MYO5A: variants seen among roughly 807,000 people sequenced by gnomAD.
MYO5A encodes unconventional myosin-Va.
MYO5A carries 98 observed loss-of-function variants against 249.7 expected under a neutral mutation model. The ratio of observed to expected loss-of-function variants is 0.39; its 90% CI spans 0.33 to 0.46. The LOEUF is 0.46. MYO5A is among the 20% of genes least tolerant of loss of function. MYO5A has a pLI of 0.98. For synonymous variants in MYO5A, 778 were observed against 810.6 expected (o/e 0.96, Z 0.68); for missense variants, 1,696 against 2,308.8 (o/e 0.73, Z 5.44).
chr15:52,397,302 G>A lies in MYO5A; in HGVS notation c.1218C>T (p.His406=). Reference sequence around the variant, plus strand: ...TCCAGTTAAAGAGCTTGGCATAGATGTGCTTGGCCAAAGCATCGCGGGCAT... The same window carrying A: ...TCCAGTTAAAGAGCTTGGCATAGATATGCTTGGCCAAAGCATCGCGGGCAT... ...ATNARDALAK[H]IYAKLFNWIV... The change falls in exon 10 of 42, where the codon CAC becomes CAT. Residue 406 remains histidine, a synonymous_variant. Transcript: ENST00000399233. 1 of 1,614,142 alleles carries A rather than the reference G, an allele frequency of 6.2e-7. No individual in the cohort carries two copies. The highest frequency in any genetic ancestry group is 1.3e-5 in the African/African-American group (1 of 75,052).
chr15:52,399,835 T>C (rs904324109), intron 9 of MYO5A, among the ~76,000 whole-genome samples: 13 of 152,104 alleles, frequency 8.5e-5, no homozygotes, highest in Non-Finnish European at 1.5e-4. Flanking sequence ...TGTATTCCCC[T>C]GTGTCTATTG....
At chr15:52,493,416 A>G (rs2076974614) in intron 1 of MYO5A, among the ~76,000 whole-genome samples, 1 of 152,122 alleles carries the variant, frequency 6.6e-6, no homozygotes, top group South Asian at 2.1e-4. Context: ...TAATCTCAGC[A>G]CTTTGAGAGG....
chr15:52,405,844 T>C lies in MYO5A; in HGVS notation c.947-451A>G, dbSNP rs138623736. Among the ~76,000 whole-genome samples, 149 of 152,376 alleles carry C rather than the reference T, an allele frequency of 9.8e-4. 1 individual carries two copies. Among genetic ancestry groups the C allele is most frequent in the Middle Eastern group, 3.4e-3 (1 of 294 alleles). On this transcript the variant is annotated intron_variant, in intron 8 of 41. Transcript: ENST00000399233. ...TGTCACACACTGGGTTTAAAATTAATAGTATTACCATTTCTATTTATCTCT... is the reference window on the plus strand; with the variant it reads ...TGTCACACACTGGGTTTAAAATTAACAGTATTACCATTTCTATTTATCTCT...
chr15:52,416,858 G>A (rs1181734464), intron 4 of MYO5A, among the ~76,000 whole-genome samples: 1 of 152,206 alleles, frequency 6.6e-6, no homozygotes, highest in Non-Finnish European at 1.5e-5. Flanking sequence ...AAGAAAAACA[G>A]GCAGTTAATT....
intron 24 of MYO5A, among the ~76,000 whole-genome samples, chr15:52,362,860 T>A (rs897948480): frequency 6.6e-6 from 1 of 152,198 alleles, no homozygotes; most frequent in African/African-American, 2.4e-5. Flanking sequence ...CACAGATGGA[T>A]ATCTCTGGAA....
rs766582835 is a variant in MYO5A, at chr15:52,433,190, G to A, written c.123C>T (p.His41=). ...YKPGDKVLLL[H]LEEGKDLEYH... Reference sequence around the variant, plus strand: ...GAGATCTCACCTTTCCTTCCTCGAGGTGAAGCAGGAGGACTTTATCTCCTG... The same window carrying A: ...GAGATCTCACCTTTCCTTCCTCGAGATGAAGCAGGAGGACTTTATCTCCTG... The change falls in exon 2 of 42, where the codon CAC becomes CAT. Residue 41 remains histidine (H), a synonymous_variant. Transcript: ENST00000399233. 2 of 1,608,712 alleles carry A rather than the reference G, an allele frequency of 1.2e-6. No individual in the cohort carries two copies. Among genetic ancestry groups the A allele is most frequent in the East Asian group, 4.5e-5 (2 of 44,828 alleles).
rs117097010 is a variant in MYO5A, at chr15:52,444,629, C to T, written c.28-11344G>A. Among the ~76,000 whole-genome samples, 85 of 152,298 alleles carry T rather than the reference C, an allele frequency of 5.6e-4. No homozygotes were observed. In the East Asian group the frequency reaches 0.016, roughly 28 times the overall value. On this transcript the variant is annotated intron_variant, in intron 1 of 41. Transcript: ENST00000399233. ...AGAAAAACACAATCTCATTGAATCACTTTCTCCTGATTGGGACCAAAGTTG... is the reference window on the plus strand; with the variant it reads ...AGAAAAACACAATCTCATTGAATCATTTTCTCCTGATTGGGACCAAAGTTG...
chr15:52,495,756 C>T (rs1371631871), intron 1 of MYO5A, among the ~76,000 whole-genome samples: 1 of 152,058 alleles, frequency 6.6e-6, no homozygotes, highest in Non-Finnish European at 1.5e-5. Context: ...GGCATAAAGT[C>T]CTTGCATGCA....
intron 1 of MYO5A, among the ~76,000 whole-genome samples, chr15:52,498,726 C>G (rs2077092911): frequency 6.6e-6 from 1 of 152,132 alleles, no homozygotes; most frequent in Non-Finnish European, 1.5e-5. Context: ...CCTGTTCTGT[C>G]AGATGGCCTA....
chr15:52,426,315 G>T (rs544794043), intron 3 of MYO5A, among the ~76,000 whole-genome samples: 1 of 116,628 alleles, frequency 8.6e-6, no homozygotes, highest in Admixed American at 8.4e-5. Flanking sequence ...TTCATGCAAA[G>T]AGTTTTTTTT....
At chr15:52,325,144 A>G (rs1216061815) in intron 36 of MYO5A, among the ~76,000 whole-genome samples, 1 of 152,184 alleles carries the variant, frequency 6.6e-6, no homozygotes, top group Non-Finnish European at 1.5e-5. Context: ...GCTGACAAAG[A>G]CAATGAATGC....
At chr15:52,336,691 G>A in intron 33 of MYO5A, 135 bp from the exon 34 acceptor site, 2 of 683,008 alleles carry the variant, frequency 2.9e-6, no homozygotes, top group South Asian at 3.6e-5. Context: ...GCCACCACCT[G>A]GCTAAAATTG....
At chr15:52,323,306 A>T (rs1395375111) in intron 37 of MYO5A, 49 bp downstream of exon 37, 3 of 1,505,086 alleles carry the variant, frequency 2.0e-6, no homozygotes, top group Non-Finnish European at 2.8e-6. Flanking sequence ...TTCCTTAAAA[A>T]GGTCAGAGAA....
At chr15:52,322,833 TC>T (rs2038396163) in intron 37 of MYO5A, among the ~76,000 whole-genome samples, 1 of 150,938 alleles carries the variant, frequency 6.6e-6, no homozygotes, top group South Asian at 2.1e-4. Flanking sequence ...ATTAAAATTT[TC>T]TTTTTTTTTT....
chr15:52,384,177 T>C lies in MYO5A; in HGVS notation c.1898A>G (p.Lys633Arg). 6.2e-7 allele frequency: 1 copy of C among 1,614,174 alleles called. No homozygotes were observed. Among genetic ancestry groups the C allele is most frequent in the South Asian group, 1.1e-5 (1 of 91,082 alleles). The part of the protein sequence containing the change: ...RPGQMAKEHK[K>R]TVGHQFRNSL... ...TGAACTCACCTGATGCCCCACTGTT[T>C]TCTTGTGCTCTTTGGCCATTTGGCC... The change falls in exon 15 of 42, where the codon AAA becomes AGA. Residue 633 changes from lysine (K) to arginine (R), a missense_variant. Physicochemically the swap from Lys to Arg is conservative, Grantham distance 26 (BLOSUM62 2). This residue lies in a region of MYO5A where 277 missense variants were observed against 422.4 expected (regional missense o/e 0.66). Coordinates refer to ENST00000399233, the MANE Select transcript of MYO5A (RefSeq NM_001382347.1).
chr15:52,356,690 C>T (rs2040233331), intron 25 of MYO5A, among the ~76,000 whole-genome samples: 1 of 149,696 alleles, frequency 6.7e-6, no homozygotes, highest in South Asian at 2.1e-4. Context: ...CAGCAACCAT[C>T]ACCTTGCCTT....
At chr15:52,366,930 T>C (rs2040841407) in intron 23 of MYO5A, 101 bp downstream of exon 23, 2 of 1,047,100 alleles carry the variant, frequency 1.9e-6, no homozygotes, top group South Asian at 2.6e-5. Flanking sequence ...TTTAAAAATA[T>C]TTAAATTCTA....
intron 1 of MYO5A, among the ~76,000 whole-genome samples, chr15:52,476,121 A>T (rs987723252): frequency 1.4e-4 from 22 of 152,318 alleles, no homozygotes; most frequent in African/African-American, 5.3e-4. Flanking sequence ...TTCTCGTTGA[A>T]TTCAGCCCTT....
At chr15:52,461,168 ATCTCCAACTCCTGGGC>A (rs1359807106) in intron 1 of MYO5A, among the ~76,000 whole-genome samples, 1 of 152,108 alleles carries the variant, frequency 6.6e-6, no homozygotes, top group Admixed American at 6.5e-5. Context: ...GCCCAGGATG[ATCTCCAACTCCTGGGC>A]TCAAGCGATC....
Sources: allele counts gnomAD v4.1 joint callset (sites outside exome capture counted in the v4.1 genomes callset), GRCh38; gene constraint gnomAD v4.1.1; regional missense constraint gnomAD v4.1.1; transcripts MANE v1.5; gene names NCBI Gene and HGNC (gene_info 2026-07-23, HGNC 2026-07-21).